Variants in CENPE observed in about 807,000 individuals in gnomAD.
CENPE encodes the protein centromere-associated protein E.
CENPE carries 145 observed loss-of-function variants against 336.1 expected under a neutral mutation model. The ratio of observed to expected loss-of-function variants is 0.43; its 90% CI spans 0.38 to 0.50. CENPE has a LOEUF of 0.50. Ranked by LOEUF, CENPE falls within the 20% of genes least tolerant of loss-of-function variation. CENPE has a pLI of 0.00. For synonymous variants in CENPE, 1,013 were observed against 984.8 expected, an observed-to-expected ratio of 1.03 and a Z score of -0.54; for missense variants, 2,719 against 3,023.3, an observed-to-expected ratio of 0.90 and a Z score of 2.36.
At chr4:103,196,712 AT>A in intron 2 of CENPE, 46 bp downstream of exon 2, 1 of 902,352 alleles carries the variant, frequency 1.1e-6, no homozygotes, top group Non-Finnish European at 1.8e-6. Flanking sequence ...TGTACTTTTA[AT>A]AGCAAAAGGA....
intron 8 of CENPE, among the ~76,000 whole-genome samples, chr4:103,186,733 G>A (rs1281441679): frequency 2.6e-5 from 4 of 152,186 alleles, no homozygotes; most frequent in Non-Finnish European, 5.9e-5. Context: ...AAGTGTAACA[G>A]AGATTATTTA....
chr4:103,193,015 C>T (rs1757485569), intron 8 of CENPE, among the ~76,000 whole-genome samples: 1 of 151,348 alleles, frequency 6.6e-6, no homozygotes. Context: ...ATCATCCCAC[C>T]AAGGCCAGGA....
chr4:103,156,983 C>T (rs557240062), intron 24 of CENPE, among the ~76,000 whole-genome samples: 2 of 148,166 alleles, frequency 1.3e-5, no homozygotes, highest in African/African-American at 5.0e-5. Flanking sequence ...GAAGATTCAA[C>T]ATCACTAATC....
At chr4:103,173,630 T>TTTGCAATATTTGCAGAAATATTTGC (rs1212496499) in intron 16 of CENPE, among the ~76,000 whole-genome samples, 81 of 151,502 alleles carry the variant, frequency 5.3e-4, no homozygotes, top group Non-Finnish European at 7.1e-4. Flanking sequence ...TTGCAAAATA[T>TTTGCAATATTTGCAGAAATATTTGC]ACATCTGACA....
rs114789916 is a variant in CENPE at position 103,167,110 on chromosome 4, G to A, written c.1648-3557C>T. 4.6e-3 allele frequency among the ~76,000 whole-genome samples: 707 copies of A among 152,126 alleles called. 9 individuals carry two copies. Among genetic ancestry groups the A allele is most frequent in the African/African-American group, 0.017 (691 of 41,502 alleles). On this transcript the variant is annotated intron_variant, in intron 16 of 48. Coordinates refer to ENST00000265148, the MANE Select transcript of CENPE (RefSeq NM_001813.3). Reference sequence around the variant, plus strand: ...AGGAAAAACAAAACGTACAAAATTAGCTTCTCCAGCTATTCTAATGTTTTA... The same window carrying A: ...AGGAAAAACAAAACGTACAAAATTAACTTCTCCAGCTATTCTAATGTTTTA...
At chr4:103,113,128 GTATATA>G (rs577422097) in intron 46 of CENPE, among the ~76,000 whole-genome samples, 1 of 58,180 alleles carries the variant, frequency 1.7e-5, no homozygotes, top group African/African-American at 6.0e-5. Flanking sequence ...AAGTATATGT[GTATATA>G]TACTTATAAG....
intron 16 of CENPE, among the ~76,000 whole-genome samples, chr4:103,165,369 C>A (rs1754815344): frequency 6.6e-6 from 1 of 152,144 alleles, no homozygotes; most frequent in African/African-American, 2.4e-5. Flanking sequence ...TGATACTTGA[C>A]ATTTTCCATT....
At chr4:103,166,041 A>G (rs925828801) in intron 16 of CENPE, among the ~76,000 whole-genome samples, 9 of 152,132 alleles carry the variant, frequency 5.9e-5, no homozygotes, top group African/African-American at 2.2e-4. Context: ...TCAATTCAAT[A>G]AGCTTCAATT....
chr4:103,138,627 T>C (rs1358015939), intron 38 of CENPE, among the ~76,000 whole-genome samples, 178 bp from the exon 39 acceptor site: 1 of 152,194 alleles, frequency 6.6e-6, no homozygotes, highest in East Asian at 1.9e-4. Flanking sequence ...GTAAGTTTTA[T>C]AGGGAGTGAC....
At position 103,190,972 on chromosome 4, in the gene CENPE, G is replaced by A. The variant is rs189207689; in HGVS notation, c.693+3257C>T. 2.5e-3 allele frequency among the ~76,000 whole-genome samples: 380 copies of A among 149,620 alleles called. 4 individuals are homozygous for A. The highest frequency in any genetic ancestry group is 8.7e-3 in the African/African-American group (354 of 40,904). ...AAAAAAAAAAACAAACAACCACATC[G>A]ACAAGTGGGCGAAGGATATGAACAG... is the stretch of plus-strand genomic sequence containing the variant. On this transcript the variant is annotated intron_variant, in intron 8 of 48. Transcript: ENST00000265148.
chr4:103,152,961 A>G, intron 25 of CENPE, 86 bp downstream of exon 25: 3 of 963,182 alleles, frequency 3.1e-6, no homozygotes, highest in South Asian at 3.4e-5. Flanking sequence ...TTTATTGTAT[A>G]TAAATTATAC....
At position 103,145,939 on chromosome 4, in the gene CENPE, C is replaced by T; in HGVS notation, c.4303G>A (p.Asp1435Asn). 6.2e-7 allele frequency: 1 copy of T among 1,613,974 alleles called. No homozygotes were observed. The highest frequency in any genetic ancestry group is 1.3e-5 in the African/African-American group (1 of 75,038). The part of the protein sequence containing the change: ...GLSKRLQESH[D>N]EMKSVAKEKD... The stretch of plus-strand genomic sequence containing the variant: ...TCCTTAGCTACAGATTTCATTTCAT[C>T]ATGACTTTCTTGAAGTCTTTTGGAC... Residue 1435 changes from aspartate (D) to asparagine (N), a missense_variant, in exon 30 of 49, where the codon GAT (aspartate) becomes AAT (asparagine). Asp to Asn is a conservative substitution (Grantham distance 23). Coordinates refer to ENST00000265148, the MANE Select transcript of CENPE (RefSeq NM_001813.3).
At position 103,145,323 on chromosome 4, in the gene CENPE, A is replaced by T; in HGVS notation, c.4584T>A (p.Ile1528=). ...NDKLQNKIQE[I]YEKEEQFNIK... is the part of the protein sequence containing the mutation. ...TATTAAATTGTTCCTCTTTCTCATA[A>T]ATCTCTTGGATCTTAAACATAATTA... Residue 1528 remains isoleucine, a synonymous_variant, in exon 32 of 49, where the codon ATT becomes ATA. Coordinates refer to ENST00000265148, the MANE Select transcript of CENPE (RefSeq NM_001813.3). 2 of 1,543,024 alleles carry T rather than the reference A, an allele frequency of 1.3e-6. No homozygotes were observed. Among genetic ancestry groups the T allele is most frequent in the Non-Finnish European group, 1.8e-6 (2 of 1,124,746 alleles).
At chr4:103,128,362 C>A (rs969276206) in intron 42 of CENPE, among the ~76,000 whole-genome samples, 1 of 152,134 alleles carries the variant, frequency 6.6e-6, no homozygotes, top group African/African-American at 2.4e-5. Flanking sequence ...ACAGATCCAC[C>A]AGGCAGAAAA....
chr4:103,114,172 C>T (rs775211697), intron 46 of CENPE, among the ~76,000 whole-genome samples: 16 of 152,102 alleles, frequency 1.1e-4, no homozygotes, highest in Non-Finnish European at 1.8e-4. Flanking sequence ...ATAAGTCATT[C>T]CTTTATTGCC....
intron 16 of CENPE, among the ~76,000 whole-genome samples, chr4:103,168,551 G>C (rs934478329): frequency 3.9e-5 from 6 of 152,192 alleles, no homozygotes; most frequent in African/African-American, 1.2e-4. Context: ...TGGTTCCATA[G>C]CACATTCTGA....
rs570507978 is a variant in CENPE, at chr4:103,110,903, A to G, written c.7649T>C (p.Ile2550Thr). The G allele has an allele frequency of 6.2e-7, 1 of 1,611,368 alleles. No homozygotes were observed. Among genetic ancestry groups the G allele is most frequent in the South Asian group, 1.1e-5 (1 of 90,534 alleles). ...TKALILKSEH[I>T]RLEKEISKLK... ...CTTAGAAATTTCTTTTTCTAGCCTT[A>G]TATGTTCACTTTTCAAAATAAGAGC... The change falls in exon 47 of 49, where the codon ATA (isoleucine) becomes ACA (threonine). Residue 2550 changes from isoleucine to threonine, a missense_variant. By Grantham distance (89) the Ile-to-Thr change is moderately conservative. This residue lies in a region of CENPE where 2,437 missense variants were observed against 2,513.3 expected (regional missense o/e 0.97). Coordinates refer to ENST00000265148, the MANE Select transcript of CENPE (RefSeq NM_001813.3).
chr4:103,146,758 G>A (rs1048093247), intron 29 of CENPE, among the ~76,000 whole-genome samples: 2 of 152,206 alleles, frequency 1.3e-5, no homozygotes, highest in Non-Finnish European at 2.9e-5. Context: ...CTTAGGCTTA[G>A]TATAGAAACT....
At chr4:103,187,110 G>A (rs1224115516) in intron 8 of CENPE, among the ~76,000 whole-genome samples, 1 of 152,158 alleles carries the variant, frequency 6.6e-6, no homozygotes, top group Non-Finnish European at 1.5e-5. Context: ...GGGAGTAATA[G>A]AACCCTGCCT....
Sources: gnomAD v4.1 joint callset for allele counts (sites outside exome capture counted in the v4.1 genomes callset) on GRCh38, gnomAD v4.1.1 for gene constraint, gnomAD v4.1.1 regional missense constraint, MANE v1.5 for transcripts, NCBI Gene and HGNC (gene_info 2026-07-23, HGNC 2026-07-21) for gene names.